Variants in WDR41 observed in about 807,000 individuals in gnomAD.
The protein encoded by WDR41 is WD repeat-containing protein 41.
In WDR41, 63 loss-of-function variants were observed where a neutral mutation model predicts 69.3. The observed-to-expected ratio is 0.91, with a 90% CI of 0.74 to 1.12. WDR41 has a LOEUF of 1.12. Ranked by LOEUF, WDR41 falls within the 50% of genes most tolerant of loss-of-function variation. The probability of loss-of-function intolerance (pLI) is 0.00; values close to 1 mark genes in which losing one functional copy is unlikely to be tolerated. For missense variants in WDR41, 543 were observed against 534.5 expected (o/e 1.02, Z -0.16); for synonymous variants, 185 against 192.1 (o/e 0.96, Z 0.31).
intron 4 of WDR41, among the ~76,000 whole-genome samples, chr5:77,461,516 C>T (rs566582909): frequency 5.3e-5 from 8 of 152,322 alleles, no homozygotes; most frequent in African/African-American, 1.7e-4. Flanking sequence ...AGTGTTTACA[C>T]AGAACTTTCA....
chr5:77,460,669 A>G (rs571216645), intron 4 of WDR41, among the ~76,000 whole-genome samples: 1 of 149,110 alleles, frequency 6.7e-6, no homozygotes, highest in South Asian at 2.1e-4. Context: ...CCCAAGTCTA[A>G]ACACAAAATT....
intron 1 of WDR41, among the ~76,000 whole-genome samples, chr5:77,500,943 G>A (rs1802009185): frequency 6.6e-6 from 1 of 152,248 alleles, no homozygotes; most frequent in Non-Finnish European, 1.5e-5. Context: ...CCGGTCTGCA[G>A]CTCCCAGCGT....
chr5:77,605,776 TG>T (rs1744404703), intron 1 of WDR41, among the ~76,000 whole-genome samples: 1 of 152,136 alleles, frequency 6.6e-6, no homozygotes, highest in Non-Finnish European at 1.5e-5. Context: ...GTCATTTCTG[TG>T]AGTCTCCATT....
At position 77,485,798 on chromosome 5, in the gene WDR41, G is replaced by C. The variant is rs566750815; in HGVS notation, c.167+3659C>G. 6.6e-5 allele frequency among the ~76,000 whole-genome samples: 10 copies of C among 151,936 alleles called. No individual in the cohort carries two copies. In the South Asian group the frequency reaches 1.3e-3, roughly 19 times the overall value. On this transcript the variant is annotated intron_variant, in intron 2 of 12. Coordinates refer to ENST00000296679, the MANE Select transcript of WDR41 (RefSeq NM_018268.4). ...CTGTTAGGTTATACAGGATTTATTG[G>C]GTATCTTCAAAAACCAATCCGAGAA... is the stretch of plus-strand genomic sequence containing the variant.
At chr5:77,496,865 C>T (rs529571493), upstream of WDR41, among the ~76,000 whole-genome samples, 4 of 151,974 alleles carry the variant, frequency 2.6e-5, no homozygotes, top group Non-Finnish European at 5.9e-5. Flanking sequence ...GAACTTACCA[C>T]GAAGTTAAAG....
At chr5:77,595,055 C>T (rs748366391) in intron 1 of WDR41, among the ~76,000 whole-genome samples, 2 of 152,092 alleles carry the variant, frequency 1.3e-5, no homozygotes, top group Non-Finnish European at 2.9e-5. Flanking sequence ...ATTTGAGAGC[C>T]TTCTGATTAC....
chr5:77,508,943 C>T (rs72769094), intron 1 of WDR41, among the ~76,000 whole-genome samples: 2,756 of 152,156 alleles, frequency 0.018, 34 homozygotes, highest in Middle Eastern at 0.061. Flanking sequence ...TTTTGGTCTC[C>T]ATTAATTGCT....
In WDR41 at chr5:77,433,168, T is replaced by G. The variant is rs1477844085; in HGVS notation, c.1347A>C (p.Leu449Phe). Residue 449 changes from leucine to phenylalanine, a missense_variant, in exon 13 of 13, where the codon TTA (leucine) becomes TTC (phenylalanine). Leu to Phe is a conservative substitution (Grantham distance 22, BLOSUM62 0). Transcript: ENST00000296679. ...GLRSLRLFQK[L>F]EENGDLYLAV ...CAAGGTATAAGTCACCATTCTCCTC[T>G]AATTTTTGAAATAATCTTAAACTGC... 1.9e-6 allele frequency: 3 copies of G among 1,613,716 alleles called. No homozygotes were observed. The South Asian group carries it at 3.3e-5, about 18-fold the overall frequency.
intron 1 of WDR41, among the ~76,000 whole-genome samples, chr5:77,609,179 A>C (rs1744489214): frequency 6.6e-6 from 1 of 152,246 alleles, no homozygotes; most frequent in South Asian, 2.1e-4. Flanking sequence ...AGCCCACCAC[A>C]GCACAAGGAG....
chr5:77,446,655 G>A (rs934404532), intron 8 of WDR41, among the ~76,000 whole-genome samples: 2 of 152,088 alleles, frequency 1.3e-5, no homozygotes, highest in Non-Finnish European at 2.9e-5. Context: ...CAACAAACCT[G>A]ACAAAAACAA....
intron 1 of WDR41, 21 bp downstream of exon 1, chr5:77,492,149 G>A (rs1320264710): frequency 1.2e-6 from 2 of 1,610,784 alleles, no homozygotes. Flanking sequence ...CGGACGCAGA[G>A]CAGACCCACC....
intron 1 of WDR41, among the ~76,000 whole-genome samples, chr5:77,559,677 A>T (rs1308100114): frequency 6.6e-6 from 1 of 151,596 alleles, no homozygotes; most frequent in Non-Finnish European, 1.5e-5. Flanking sequence ...ATAAAACTTT[A>T]TATATAATGT....
chr5:77,558,239 C>T (rs1743450115), intron 1 of WDR41, among the ~76,000 whole-genome samples: 1 of 151,798 alleles, frequency 6.6e-6, no homozygotes, highest in Non-Finnish European at 1.5e-5. Flanking sequence ...CTCTTGAATT[C>T]TCTTTCTGTT....
intron 4 of WDR41, among the ~76,000 whole-genome samples, chr5:77,462,170 G>T (rs1257057102): frequency 6.6e-6 from 1 of 152,062 alleles, no homozygotes; most frequent in African/African-American, 2.4e-5. Context: ...AGCATTGTGG[G>T]AGGCCAGGGT....
chr5:77,497,998 A>G (rs962624277), intron 1 of WDR41, among the ~76,000 whole-genome samples: 2 of 152,246 alleles, frequency 1.3e-5, no homozygotes, highest in African/African-American at 4.8e-5. Context: ...ACACAGTAGA[A>G]TAAATATTGT....
At chr5:77,527,206 G>T (rs1264735303) in intron 1 of WDR41, among the ~76,000 whole-genome samples, 1 of 151,600 alleles carries the variant, frequency 6.6e-6, no homozygotes, top group Admixed American at 6.6e-5. Flanking sequence ...TAGACTGTCA[G>T]GCCAGATTTT....
intron 1 of WDR41, among the ~76,000 whole-genome samples, chr5:77,601,530 T>C (rs531043850): frequency 2.0e-4 from 31 of 152,314 alleles, no homozygotes; most frequent in African/African-American, 5.8e-4. Context: ...TGCAAGGAGG[T>C]TAGAGAGTGA....
At chr5:77,611,543 C>A (rs1744551662) in intron 1 of WDR41, among the ~76,000 whole-genome samples, 1 of 152,238 alleles carries the variant, frequency 6.6e-6, no homozygotes, top group Non-Finnish European at 1.5e-5. Context: ...GAACAACCTG[C>A]TCCTGAATGA....
chr5:77,599,197 CT>C (rs34759217), intron 1 of WDR41, among the ~76,000 whole-genome samples: 13,555 of 75,988 alleles, frequency 0.18, 169 homozygotes, highest in East Asian at 0.36. Flanking sequence ...ATCGGAAGCT[CT>C]TTTTTTTTTT....
Sources: gnomAD v4.1 joint callset for allele counts (sites outside exome capture counted in the v4.1 genomes callset) on GRCh38, gnomAD v4.1.1 for gene constraint, MANE v1.5 for transcripts, NCBI Gene and HGNC (gene_info 2026-07-23, HGNC 2026-07-21) for gene names.